Variants in GRM5 observed in about 807,000 individuals in gnomAD.
The protein encoded by GRM5 is metabotropic glutamate receptor 5.
In GRM5, 19 loss-of-function variants were observed where a neutral mutation model predicts 83.1. The observed-to-expected ratio is 0.23, with a 90% confidence interval of 0.16 to 0.34. The LOEUF is 0.34. GRM5 is among the 10% of genes least tolerant of loss of function. GRM5 has a pLI of 1.00. For missense variants in GRM5, 1,160 were observed against 1,588.3 expected, an observed-to-expected ratio of 0.73 and a Z score of 4.58; for synonymous variants, 675 against 633.6, an observed-to-expected ratio of 1.07 and a Z score of -0.98.
chr11:88,992,210 A>G (rs1940001814), intron 2 of GRM5, among the ~76,000 whole-genome samples: 1 of 152,228 alleles, frequency 6.6e-6, no homozygotes, highest in South Asian at 2.1e-4. Context: ...GGTGAAGGAT[A>G]TGAACAGACA....
intron 3 of GRM5, among the ~76,000 whole-genome samples, chr11:88,848,791 A>G (rs574416565): frequency 6.6e-6 from 1 of 152,316 alleles, no homozygotes; most frequent in East Asian, 1.9e-4. Flanking sequence ...TGTGTCTGTG[A>G]GAGTGTTCTG....
chr11:89,056,843 T>C (rs1210139459), intron 1 of GRM5, among the ~76,000 whole-genome samples: 1 of 152,216 alleles, frequency 6.6e-6, no homozygotes. Flanking sequence ...CTCAGTGTTA[T>C]ATTTGTGGGT....
intron 3 of GRM5, among the ~76,000 whole-genome samples, chr11:88,821,660 T>C (rs1029862036): frequency 1.3e-5 from 2 of 152,192 alleles, no homozygotes; most frequent in African/African-American, 4.8e-5. Context: ...ATCCTTTCGA[T>C]ACAAAATTTG....
At chr11:88,543,864 G>T (rs893908247) in intron 8 of GRM5, among the ~76,000 whole-genome samples, 1 of 152,046 alleles carries the variant, frequency 6.6e-6, no homozygotes, top group Admixed American at 6.6e-5. Context: ...GGTTGCTATA[G>T]CTTGAAAATG....
intron 6 of GRM5, among the ~76,000 whole-genome samples, chr11:88,591,873 T>C (rs1417210081): frequency 1.3e-5 from 2 of 152,224 alleles, no homozygotes; most frequent in Non-Finnish European, 2.9e-5. Flanking sequence ...ATCGACTATT[T>C]CCAGGCTCTT....
chr11:89,049,517 T>A lies in GRM5; in HGVS notation c.-200-1445A>T, dbSNP rs370124165. ...GGAATGTATGTAAATATCGCACTTT[T>A]ACAAGAATACTAATGGTTTCAAAGG... On this transcript the variant is annotated intron_variant, in intron 1 of 9. Transcript: ENST00000305447. Among the ~76,000 whole-genome samples the A allele has an allele frequency of 3.9e-5, 6 of 152,190 alleles. No individual in the cohort carries two copies. The East Asian group carries it at 9.6e-4, about 24-fold the overall frequency.
At chr11:88,933,058 C>G (rs1026390398) in intron 2 of GRM5, among the ~76,000 whole-genome samples, 2 of 151,716 alleles carry the variant, frequency 1.3e-5, no homozygotes, top group Admixed American at 6.6e-5. Context: ...TCCAAATGGG[C>G]AATTCAGAAA....
At chr11:88,719,684 A>G (rs1022257328) in intron 3 of GRM5, among the ~76,000 whole-genome samples, 2 of 152,084 alleles carry the variant, frequency 1.3e-5, no homozygotes, top group Non-Finnish European at 2.9e-5. Context: ...TCCCACCAAC[A>G]GTGTATAAGG....
intron 2 of GRM5, among the ~76,000 whole-genome samples, chr11:88,985,779 C>T (rs187355405): frequency 1.6e-3 from 246 of 152,122 alleles, no homozygotes; most frequent in African/African-American, 5.7e-3. Flanking sequence ...CAAGTATGCA[C>T]ATCAATCTAT....
rs765530542 is a variant in GRM5 at position 88,567,061 on chromosome 11, T to C, written c.2622A>G (p.Glu874=). 6.2e-7 allele frequency: 1 copy of C among 1,603,982 alleles called. No homozygotes were observed. The highest frequency in any genetic ancestry group is 1.1e-5 in the South Asian group (1 of 90,124). The change falls in exon 8 of 10, where the codon GAA becomes GAG. Residue 874 remains glutamate (E), a synonymous_variant. Coordinates refer to ENST00000305447, the MANE Select transcript of GRM5 (RefSeq NM_001143831.3). This position sits in a 1 kb window ranked among gnomAD's most constrained non-coding sequence, Gnocchi z 7.3. ...NLWKRRGSSG[E]TLRYKDRRLA... ...GCCCCCACAACTTTTACCTTAAGGT[T>C]TCCCCAGAGGAGCCCCTTCTCTTCC...
At chr11:88,804,996 T>C (rs1943474456) in intron 3 of GRM5, among the ~76,000 whole-genome samples, 1 of 152,190 alleles carries the variant, frequency 6.6e-6, no homozygotes, top group African/African-American at 2.4e-5. Flanking sequence ...AGAAGTCTTA[T>C]GCCAAAAGCT....
chr11:88,667,478 A>G (rs1279724710), intron 3 of GRM5, among the ~76,000 whole-genome samples: 1 of 152,216 alleles, frequency 6.6e-6, no homozygotes, highest in Non-Finnish European at 1.5e-5. Flanking sequence ...TAAAAATGAA[A>G]GGCAAAGTTA....
intron 2 of GRM5, among the ~76,000 whole-genome samples, chr11:88,953,890 G>A (rs2135682566): frequency 6.6e-6 from 1 of 152,276 alleles, no homozygotes; most frequent in East Asian, 1.9e-4. Flanking sequence ...TGTTTTAAGA[G>A]AAGTATTTTA....
chr11:88,893,345 TAGG>T (rs1391985145), intron 2 of GRM5, among the ~76,000 whole-genome samples: 3 of 151,964 alleles, frequency 2.0e-5, no homozygotes, highest in African/African-American at 2.4e-5. Flanking sequence ...GAGGGATGTT[TAGG>T]AGAAGTCAGA....
intron 2 of GRM5, among the ~76,000 whole-genome samples, chr11:89,023,194 GTGGGTA>G: frequency 6.6e-6 from 1 of 152,138 alleles, no homozygotes; most frequent in South Asian, 2.1e-4. Context: ...CGTTCATTGT[GTGGGTA>G]CATGGAAAAT....
intron 3 of GRM5, among the ~76,000 whole-genome samples, chr11:88,746,156 C>G (rs1942135491): frequency 6.6e-6 from 1 of 152,122 alleles, no homozygotes; most frequent in Admixed American, 6.6e-5. Flanking sequence ...CCTCCTTGAC[C>G]TCTTTAACAC....
At position 88,927,906 on chromosome 11, in the gene GRM5, G is replaced by T. The variant is rs184935739; in HGVS notation, c.662-77751C>A. 2.7e-3 allele frequency among the ~76,000 whole-genome samples: 416 copies of T among 152,110 alleles called. 1 individual carries two copies. The highest frequency in any genetic ancestry group is 9.6e-3 in the African/African-American group (399 of 41,510). On this transcript the variant is annotated intron_variant, in intron 2 of 9. Coordinates refer to ENST00000305447, the MANE Select transcript of GRM5 (RefSeq NM_001143831.3). ...TCAAGTGATCCTGGTTAAAATTAAG[G>T]GAAAGGTACACTTTAAAAATATGAT...
intron 4 of GRM5, among the ~76,000 whole-genome samples, chr11:88,620,667 T>C (rs990859917): frequency 6.6e-6 from 1 of 152,140 alleles, no homozygotes; most frequent in African/African-American, 2.4e-5. Flanking sequence ...AAACAAATAG[T>C]CTATGAAAAG....
At chr11:88,839,398 A>T (rs1185385408) in intron 3 of GRM5, among the ~76,000 whole-genome samples, 2 of 152,226 alleles carry the variant, frequency 1.3e-5, no homozygotes, top group Non-Finnish European at 2.9e-5. Flanking sequence ...GTTTTAGTAC[A>T]TGGATAGGTA....
Sources: gnomAD v4.1 joint callset for allele counts (sites outside exome capture counted in the v4.1 genomes callset) on GRCh38, gnomAD v4.1.1 for gene constraint, Gnocchi (gnomAD v3.1) non-coding constraint, MANE v1.5 for transcripts, NCBI Gene and HGNC (gene_info 2026-07-23, HGNC 2026-07-21) for gene names.